The following MYH8 variants were observed in gnomAD, a reference collection of about 807,000 sequenced individuals.
MYH8 encodes myosin heavy chain 8, also known as myosin-8.
Under a neutral mutation model 233.2 loss-of-function variants are expected in MYH8, and 168 were observed. The observed-to-expected ratio is 0.72, with a 90% confidence interval of 0.64 to 0.82. The LOEUF is 0.82. MYH8 is among the 40% of genes least tolerant of loss of function. The probability of loss-of-function intolerance (pLI) is 0.00; values close to 1 mark genes in which losing one functional copy is unlikely to be tolerated. For synonymous variants in MYH8, 785 were observed against 850.6 expected (o/e 0.92, Z 1.34); for missense variants, 1,995 against 2,327.8 (o/e 0.86, Z 2.94).
rs1348367690 is a variant in MYH8, at chr17:10,406,197, C to A, written c.2296-20G>T. 7 of 1,613,904 alleles carry A rather than the reference C, an allele frequency of 4.3e-6. No individual in the cohort carries two copies. The Admixed American group carries it at 1.2e-4, about 27-fold the overall frequency. On this transcript the variant is annotated intron_variant, in intron 20 of 39. Transcript: ENST00000403437. Reference sequence around the variant, plus strand: ...GAAAACCTGGAGAAAGAGAGAGTCACAAATCATCTCCATACTGCAGGAGAT... The same window carrying A: ...GAAAACCTGGAGAAAGAGAGAGTCAAAAATCATCTCCATACTGCAGGAGAT...
At position 10,395,411 on chromosome 17, in the gene MYH8, G is replaced by C; in HGVS notation, c.4684C>G (p.Leu1562Val). The C allele has an allele frequency of 1.9e-6, 3 of 1,614,092 alleles. No individual in the cohort carries two copies. The highest frequency in any genetic ancestry group is 2.5e-6 in the Non-Finnish European group (3 of 1,179,988). ...ASLEHEEGKI[L>V]RIQLELNQVK... ...TGGTTTAACTCAAGCTGGATACGCA[G>C]AATCTTTCCTTCTTCATGTTCAAGA... Residue 1562 changes from leucine (L) to valine (V), a missense_variant, in exon 34 of 40, where the codon CTG (leucine) becomes GTG (valine). Coordinates refer to ENST00000403437, the MANE Select transcript of MYH8 (RefSeq NM_002472.3).
In MYH8 at chr17:10,392,942, C is replaced by G. The variant is rs775461673; in HGVS notation, c.5352G>C (p.Arg1784=). The G allele has an allele frequency of 6.2e-7, 1 of 1,614,234 alleles. No homozygotes were observed. Among genetic ancestry groups the G allele is most frequent in the Non-Finnish European group, 8.5e-7 (1 of 1,180,032 alleles). ...KEQDTSAHLE[R]MKKNLEQTVK... is the part of the protein sequence containing the mutation. ...CCGTCTGCTCCAGGTTCTTCTTCATCCGCTCCAGGTGGGCGCTGGTGTCCT... is the reference window on the plus strand; with the variant it reads ...CCGTCTGCTCCAGGTTCTTCTTCATGCGCTCCAGGTGGGCGCTGGTGTCCT... Residue 1784 remains arginine (R), a synonymous_variant, in exon 37 of 40, where the codon CGG becomes CGC. Transcript: ENST00000403437.
rs2072190645 is a variant in MYH8 at position 10,406,137 on chromosome 17, ATTTCTTCCAGAAGAC to A, written c.2321_2335del (p.Gly774_Met779delinsVal). On this transcript the variant is annotated inframe_deletion, in exon 21 of 40. Coordinates refer to ENST00000403437, the MANE Select transcript of MYH8 (RefSeq NM_002472.3). ...AATTTGGGCTAATTTTTCATCTCTC[ATTTCTTCCAGAAGAC>A]CCAGAAGTCCAGCTTTGAAGAAAAC... 6.2e-7 allele frequency: 1 copy of A among 1,613,976 alleles called. No homozygotes were observed. Among genetic ancestry groups the A allele is most frequent in the Non-Finnish European group, 8.5e-7 (1 of 1,180,018 alleles).
At chr17:10,399,355 G>A (rs1272098068) in intron 28 of MYH8, among the ~76,000 whole-genome samples, 188 bp downstream of exon 28, 1 of 152,076 alleles carries the variant, frequency 6.6e-6, no homozygotes, top group African/African-American at 2.4e-5. Flanking sequence ...TTTAAAAGCA[G>A]CATTGCCATA....
chr17:10,412,411 A>G lies in MYH8; in HGVS notation c.1375T>C (p.Phe459Leu), dbSNP rs1262578243. 2 of 1,614,256 alleles carry G rather than the reference A, an allele frequency of 1.2e-6. No homozygotes were observed. The highest frequency in any genetic ancestry group is 2.2e-5 in the South Asian group (2 of 91,086). Residue 459 changes from phenylalanine to leucine, a missense_variant, in exon 14 of 40, where the codon TTC becomes CTC. By Grantham distance (22) the Phe-to-Leu change is conservative (BLOSUM62 0). Around this residue, in one of 3 missense-constraint regions of MYH8, gnomAD observed 479 missense variants for 600.9 expected, o/e 0.80. Coordinates refer to ENST00000403437, the MANE Select transcript of MYH8 (RefSeq NM_002472.3). ...CCAGCAATGTCCAAGACCCCGATGA[A>G]GTACTGCCTGGGCTGCTTGGTGTCC... ...QLDTKQPRQY[F>L]IGVLDIAGFE...
At position 10,398,535 on chromosome 17, in the gene MYH8, C is replaced by T. The variant is rs781524378; in HGVS notation, c.4087G>A (p.Ala1363Thr). The T allele has an allele frequency of 8.7e-6, 14 of 1,614,054 alleles. No individual in the cohort carries two copies. Among genetic ancestry groups the T allele is most frequent in the Admixed American group, 3.3e-5 (2 of 60,008 alleles). Residue 1363 changes from alanine to threonine, a missense_variant, in exon 30 of 40, where the codon GCG (alanine) becomes ACG (threonine). Physicochemically the swap from Ala to Thr is moderately conservative, Grantham distance 58 (BLOSUM62 0). Coordinates refer to ENST00000403437, the MANE Select transcript of MYH8 (RefSeq NM_002472.3). ...ACCTCACTGTTGGCCTTGGACAGCG[C>T]CCTCTGCAGCTCAGCTTTGCCTTCC... Reference protein sequence around the residue: ...EQEGKAELQRALSKANSEVAQ... With the variant: ...EQEGKAELQRTLSKANSEVAQ...
At position 10,406,043 on chromosome 17, in the gene MYH8, C is replaced by T. The variant is rs1478940960; in HGVS notation, c.2430G>A (p.Arg810=). ...CTGATATTCTGAATGATTGTTACCT[C>T]CTTTGCAACATCTTCTGATATTCTA... ...MRVEYQKMLQ[R]REALFCIQYN... The change falls in exon 21 of 40, where the codon AGG becomes AGA. Residue 810 remains arginine, a splice_region_variant and synonymous_variant. Coordinates refer to ENST00000403437, the MANE Select transcript of MYH8 (RefSeq NM_002472.3). 3 of 1,613,802 alleles carry T rather than the reference C, an allele frequency of 1.9e-6. No individual in the cohort carries two copies. The highest frequency in any genetic ancestry group is 2.2e-5 in the South Asian group (2 of 91,074).
intron 28 of MYH8, 24 bp from the exon 29 acceptor site, chr17:10,398,910 AT>A: frequency 6.4e-7 from 1 of 1,571,430 alleles, no homozygotes. Flanking sequence ...ACATAAGGGA[AT>A]TTTTTACTGG....
Position 10,412,485 on chromosome 17 carries a change from A to T in MYH8, c.1301T>A (p.Val434Asp). 1 of 1,614,190 alleles carries T rather than the reference A, an allele frequency of 6.2e-7. No homozygotes were observed. The highest frequency in any genetic ancestry group is 1.1e-5 in the South Asian group (1 of 91,080). Residue 434 changes from valine (V) to aspartate (D), a missense_variant, in exon 14 of 40, where the codon GTC (valine) becomes GAC (aspartate). By Grantham distance (152) the Val-to-Asp change is radical. This residue lies in a region of MYH8 where 479 missense variants were observed against 600.9 expected (regional missense o/e 0.80). Coordinates refer to ENST00000403437, the MANE Select transcript of MYH8 (RefSeq NM_002472.3). ...YNAVGALAKA[V>D]YEKMFLWMVT... is the part of the protein sequence containing the mutation. ...CATCCACAGGAACATCTTCTCGTAG[A>T]CGGCTTTGGCCAGAGCACCCACCGC... is the stretch of plus-strand genomic sequence containing the variant.
rs567013242 is a variant in MYH8, at chr17:10,415,486, A to T, written c.634T>A (p.Ser212Thr). The T allele has an allele frequency of 1.5e-5, 25 of 1,614,202 alleles. 1 individual carries two copies. The African/African-American group carries it at 1.9e-4, about 12-fold the overall frequency. ...AVTGEKKKDE[S>T]GKMQGTLEDQ... ...ATCAGACCTACCTGCATTTTGCCAGATTCATCCTTCTTCTTCTCTCCAGTA... is the reference window on the plus strand; with the variant it reads ...ATCAGACCTACCTGCATTTTGCCAGTTTCATCCTTCTTCTTCTCTCCAGTA... Residue 212 changes from serine to threonine, a missense_variant, in exon 7 of 40, where the codon TCT becomes ACT. Physicochemically the swap from Ser to Thr is moderately conservative, Grantham distance 58. Coordinates refer to ENST00000403437, the MANE Select transcript of MYH8 (RefSeq NM_002472.3). The surrounding 1 kb of genome is among the most constrained non-coding windows in gnomAD (Gnocchi z 4.1).
At position 10,418,763 on chromosome 17, in the gene MYH8, G is replaced by C. The variant is rs544170265; in HGVS notation, c.393C>G (p.Tyr131Ter). ...CGGGCTTGTACACCGGCAGCCACTT[G>C]TAGGGGTTGACGGTGACACAGAAGA... is the stretch of plus-strand genomic sequence containing the variant. ...SGLFCVTVNP[Y>*]KWLPVYKPEV... is the part of the protein sequence containing the mutation. Residue 131 changes from tyrosine to a stop codon, truncating the protein, a stop_gained, in exon 5 of 40, where the codon TAC (tyrosine) becomes TAG (stop). Coordinates refer to ENST00000403437, the MANE Select transcript of MYH8 (RefSeq NM_002472.3). LOFTEE classifies it high-confidence loss of function. The C allele has an allele frequency of 2.5e-6, 4 of 1,613,900 alleles. No homozygotes were observed. The highest frequency in any genetic ancestry group is 1.3e-5 in the African/African-American group (1 of 75,042).
At position 10,421,112 on chromosome 17, in the gene MYH8, T is replaced by G. The variant is rs544959936; in HGVS notation, c.-31+551A>C. On this transcript the variant is annotated intron_variant, in intron 2 of 39. Coordinates refer to ENST00000403437, the MANE Select transcript of MYH8 (RefSeq NM_002472.3). ...TGGACATGTTAGATTGGTTGAGTTT[T>G]TCCTTTATTTTCAATTAGAAAGTTA... 5.5e-4 allele frequency among the ~76,000 whole-genome samples: 84 copies of G among 152,336 alleles called. No individual in the cohort carries two copies. In the South Asian group the frequency reaches 0.017, roughly 32 times the overall value.
chr17:10,409,658 T>C, intron 15 of MYH8, 70 bp from the exon 16 acceptor site: 3 of 1,583,236 alleles, frequency 1.9e-6, no homozygotes, highest in Middle Eastern at 1.7e-4. Flanking sequence ...GTGGCTGTCA[T>C]TTGATTGAAT....
At chr17:10,407,038 AATT>A (rs1245591326) in intron 17 of MYH8, 59 bp from the exon 18 acceptor site, 15 of 1,272,112 alleles carry the variant, frequency 1.2e-5, no homozygotes, top group Admixed American at 1.0e-4. Flanking sequence ...TGTTTTTTGT[AATT>A]ATATGGAATG....
At chr17:10,392,118 C>T (rs2072031721) in intron 38 of MYH8, 141 bp from the exon 39 acceptor site, 1 of 746,550 alleles carries the variant, frequency 1.3e-6, no homozygotes, top group Non-Finnish European at 2.4e-6. Context: ...ATAGAATTAA[C>T]AGTAGCACTC....
At chr17:10,401,502 T>C (rs2142175912) in intron 23 of MYH8, 41 bp downstream of exon 23, 2 of 1,614,180 alleles carry the variant, frequency 1.2e-6, no homozygotes, top group African/African-American at 2.7e-5. Flanking sequence ...ATTTAGTTGG[T>C]GGCAGAACCT....
rs1441455024 is a variant in MYH8 at position 10,419,351 on chromosome 17, C to A, written c.211-321G>T. ...GGGATTACAGGCGTGAGCCACTGCG[C>A]CTGGCTAAGACCAGTTCGTTTTAAT... On this transcript the variant is annotated intron_variant, in intron 3 of 39. Coordinates refer to ENST00000403437, the MANE Select transcript of MYH8 (RefSeq NM_002472.3). This position sits in a 1 kb window ranked among gnomAD's most constrained non-coding sequence, Gnocchi z 4.0. 6.6e-6 allele frequency among the ~76,000 whole-genome samples: 1 copy of A among 152,184 alleles called. No homozygotes were observed. Among genetic ancestry groups the A allele is most frequent in the Non-Finnish European group, 1.5e-5 (1 of 68,032 alleles).
intron 2 of MYH8, among the ~76,000 whole-genome samples, chr17:10,421,271 AATATTT>A (rs1198477117): frequency 7.9e-5 from 12 of 152,220 alleles, no homozygotes; most frequent in African/African-American, 2.9e-4. Context: ...AGGTAGCTAA[AATATTT>A]ATATTTATAT....
intron 10 of MYH8, 21 bp downstream of exon 10, chr17:10,414,365 T>C (rs747452188): frequency 6.2e-7 from 1 of 1,600,592 alleles, no homozygotes; most frequent in Non-Finnish European, 8.6e-7. Flanking sequence ...CTTCTATCTA[T>C]GACTTTAAGT....
Sources: allele counts gnomAD v4.1 joint callset (sites outside exome capture counted in the v4.1 genomes callset), GRCh38; gene constraint gnomAD v4.1.1; regional missense constraint gnomAD v4.1.1; non-coding constraint Gnocchi (gnomAD v3.1); transcripts MANE v1.5; gene names NCBI Gene and HGNC (gene_info 2026-07-23, HGNC 2026-07-21).